Variants in SCAF8 observed in about 807,000 individuals in gnomAD.
SCAF8 encodes the protein SR-related and CTD-associated factor 8.
Under a neutral mutation model 140.5 loss-of-function variants are expected in SCAF8, and 23 were observed. That is an observed-to-expected ratio of 0.16 (90% CI 0.12 to 0.23). The LOEUF (loss-of-function observed/expected upper bound fraction) is 0.23. Among genes scored for constraint, SCAF8 ranks in the 10% least tolerant of loss-of-function variants. The pLI is 1.00. For missense variants in SCAF8, 1,397 were observed against 1,555.7 expected, an observed-to-expected ratio of 0.90 and a Z score of 1.72; for synonymous variants, 575 against 528.9, an observed-to-expected ratio of 1.09 and a Z score of -1.20.
At chr6:154,801,940 T>A in intron 6 of SCAF8, 31 bp from the exon 7 acceptor site, 1 of 1,510,090 alleles carries the variant, frequency 6.6e-7, no homozygotes, top group Non-Finnish European at 8.9e-7. Context: ...ACCCAACACC[T>A]GTTTTGTAAT....
Position 154,832,837 on chromosome 6 carries a change from C to T in SCAF8, c.3258C>T (p.Gly1086=). The change falls in exon 20 of 20, where the codon GGC becomes GGT. Residue 1086 remains glycine, a synonymous_variant. Transcript: ENST00000367178. Reference sequence around the variant, plus strand: ...ATCTTGGTCGAAGAGACCACTTTGGCTTTAATCCAGAGAAGCCCTGGGGGC... The same window carrying T: ...ATCTTGGTCGAAGAGACCACTTTGGTTTTAATCCAGAGAAGCCCTGGGGGC... The part of the protein sequence containing the change: ...IDHLGRRDHF[G]FNPEKPWGHR... The T allele has an allele frequency of 3.7e-6, 6 of 1,613,968 alleles. No homozygotes were observed. The highest frequency in any genetic ancestry group is 5.1e-6 in the Non-Finnish European group (6 of 1,179,990).
chr6:154,771,269 G>A (rs1056850199), intron 1 of SCAF8, among the ~76,000 whole-genome samples: 2 of 152,154 alleles, frequency 1.3e-5, no homozygotes, highest in Admixed American at 1.3e-4. Context: ...TGGGGAGGTC[G>A]GGAAGCCTTT....
At chr6:154,814,484 G>C (rs1722370319) in intron 12 of SCAF8, among the ~76,000 whole-genome samples, 1 of 152,198 alleles carries the variant, frequency 6.6e-6, no homozygotes, top group African/African-American at 2.4e-5. Flanking sequence ...AGCTTACACA[G>C]GTCTAGAAGA....
chr6:154,829,025 A>G (rs1439024093), intron 18 of SCAF8, among the ~76,000 whole-genome samples: 1 of 152,232 alleles, frequency 6.6e-6, no homozygotes, highest in Non-Finnish European at 1.5e-5. Flanking sequence ...TATAATCATA[A>G]CTAGGGGTAC....
chr6:154,808,805 C>T lies in SCAF8; in HGVS notation c.1226+7C>T, dbSNP rs375870441. The stretch of plus-strand genomic sequence containing the variant: ...ATTCACGATCTCGTTCAAGGTTCTA[C>T]AATGATATTTAATAATAGCCGTGTG... On this transcript the variant is annotated splice_region_variant and intron_variant, in intron 11 of 19. Transcript: ENST00000367178. 1.9e-6 allele frequency: 3 copies of T among 1,575,576 alleles called. No individual in the cohort carries two copies. Among genetic ancestry groups the T allele is most frequent in the Middle Eastern group, 3.3e-4 (2 of 5,982 alleles).
intron 1 of SCAF8, among the ~76,000 whole-genome samples, chr6:154,751,520 G>C (rs536874432): frequency 4.6e-5 from 7 of 152,168 alleles, no homozygotes; most frequent in African/African-American, 1.7e-4. Flanking sequence ...GAGCCATCGC[G>C]CCCGGCCAAA....
intron 1 of SCAF8, among the ~76,000 whole-genome samples, chr6:154,767,244 A>C (rs1035273600): frequency 3.9e-5 from 6 of 152,196 alleles, no homozygotes; most frequent in Non-Finnish European, 8.8e-5. Flanking sequence ...TCAGGTTAGC[A>C]GCTTTATAGA....
In SCAF8 at chr6:154,808,155, T is replaced by G; in HGVS notation, c.1067T>G (p.Leu356Arg). The G allele has an allele frequency of 6.2e-7, 1 of 1,614,014 alleles. No individual in the cohort carries two copies. Among genetic ancestry groups the G allele is most frequent in the Non-Finnish European group, 8.5e-7 (1 of 1,179,844 alleles). Residue 356 changes from leucine to arginine, a missense_variant, in exon 10 of 20, where the codon CTT (leucine) becomes CGT (arginine). Around this residue, in one of 5 missense-constraint regions of SCAF8, gnomAD observed 339 missense variants for 407.5 expected, o/e 0.83. Transcript: ENST00000367178. ...CAAGGGAGTAGTCAGCAGCATTTTCTTGAACCTGAAGTCAATTTGGATGAT... is the reference window on the plus strand; with the variant it reads ...CAAGGGAGTAGTCAGCAGCATTTTCGTGAACCTGAAGTCAATTTGGATGAT... The part of the protein sequence containing the change: ...PSQGSSQQHF[L>R]EPEVNLDDSI...
chr6:154,807,508 T>A (rs1777957667), intron 9 of SCAF8, among the ~76,000 whole-genome samples: 1 of 152,164 alleles, frequency 6.6e-6, no homozygotes, highest in Non-Finnish European at 1.5e-5. Context: ...GCCTCCTGAG[T>A]AGCTGGGATT....
At chr6:154,772,004 G>A (rs1776782686) in intron 1 of SCAF8, among the ~76,000 whole-genome samples, 1 of 152,206 alleles carries the variant, frequency 6.6e-6, no homozygotes, top group African/African-American at 2.4e-5. Flanking sequence ...TGGTATGGTG[G>A]TTAGAATTTT....
intron 1 of SCAF8, among the ~76,000 whole-genome samples, chr6:154,770,128 A>G (rs1459400916): frequency 1.3e-5 from 2 of 152,174 alleles, no homozygotes; most frequent in African/African-American, 4.8e-5. Flanking sequence ...CAAGAGTTTA[A>G]TAGTTTAAGG....
intron 1 of SCAF8, among the ~76,000 whole-genome samples, chr6:154,742,960 T>TC (rs2114794679): frequency 6.6e-6 from 1 of 152,150 alleles, no homozygotes; most frequent in East Asian, 1.9e-4. Flanking sequence ...GGGATTTTTT[T>TC]TTCCATCTCC....
At position 154,833,666 on chromosome 6, in the gene SCAF8, C is replaced by T. The variant is rs1440883077; in HGVS notation, c.*271C>T. The T allele has an allele frequency of 6.7e-6, 2 of 298,804 alleles. No homozygotes were observed. The highest frequency in any genetic ancestry group is 2.2e-5 in the African/African-American group (1 of 45,542). 18.5% of individuals were successfully genotyped at this position (298,804 alleles called of 1,614,324 possible). ...CTTTTAACGTCAAGGAAATGAATAA[C>T]AGCTTGTCAGAGACTTCCTATGGAA... On this transcript the variant is annotated 3_prime_UTR_variant, in exon 20 of 20. Transcript: ENST00000367178.
chr6:154,736,848 C>T (rs1193018565), intron 1 of SCAF8, among the ~76,000 whole-genome samples: 1 of 152,096 alleles, frequency 6.6e-6, no homozygotes, highest in Non-Finnish European at 1.5e-5. Context: ...CTTGTAACTT[C>T]CTTATTTATT....
intron 17 of SCAF8, chr6:154,825,026 A>T (rs959454470): frequency 1.2e-4 from 18 of 152,172 alleles, no homozygotes; most frequent in African/African-American, 4.3e-4. Context: ...TTTATATGAA[A>T]GTTCTCTAAT....
At chr6:154,800,033 G>T (rs963450838) in intron 6 of SCAF8, among the ~76,000 whole-genome samples, 1 of 151,144 alleles carries the variant, frequency 6.6e-6, no homozygotes, top group South Asian at 2.1e-4. Context: ...TGATCCGCCC[G>T]CCTCGGCCTT....
intron 2 of SCAF8, among the ~76,000 whole-genome samples, 176 bp from the exon 3 acceptor site, chr6:154,777,825 T>G (rs1776961081): frequency 6.6e-6 from 1 of 152,218 alleles, no homozygotes; most frequent in Non-Finnish European, 1.5e-5. Flanking sequence ...CTTTACTAAT[T>G]ATATAGCACA....
At chr6:154,799,402 C>T (rs1777703211) in intron 6 of SCAF8, among the ~76,000 whole-genome samples, 2 of 151,364 alleles carry the variant, frequency 1.3e-5, no homozygotes, top group African/African-American at 4.8e-5. Flanking sequence ...CACAAGCCAT[C>T]GTGCCTGCAC....
chr6:154,828,622 A>C (rs1200253915), intron 18 of SCAF8, among the ~76,000 whole-genome samples: 1 of 152,076 alleles, frequency 6.6e-6, no homozygotes, highest in East Asian at 1.9e-4. Flanking sequence ...TTTTTGGCCC[A>C]GTATATCCCA....
Sources: gnomAD v4.1 joint callset for allele counts (sites outside exome capture counted in the v4.1 genomes callset) on GRCh38, gnomAD v4.1.1 for gene constraint, gnomAD v4.1.1 regional missense constraint, MANE v1.5 for transcripts, NCBI Gene and HGNC (gene_info 2026-07-23, HGNC 2026-07-21) for gene names.